SLC25A31: variants seen among roughly 807,000 people sequenced by gnomAD.
SLC25A31 encodes solute carrier family 25 member 31.
SLC25A31 carries 40 observed loss-of-function variants against 36.2 expected under a neutral mutation model. The ratio of observed to expected loss-of-function variants is 1.10; its 90% CI spans 0.86 to 1.44. SLC25A31 has a LOEUF of 1.44. SLC25A31 is among the 40% of genes most tolerant of loss of function. SLC25A31 has a pLI of 0.00. For synonymous variants in SLC25A31, 143 were observed against 149.7 expected, an observed-to-expected ratio of 0.96 and a Z score of 0.32; for missense variants, 350 against 397.1, an observed-to-expected ratio of 0.88 and a Z score of 1.01.
chr4:127,759,742 A>G lies in SLC25A31; in HGVS notation c.361-4501A>G, dbSNP rs531178992. Among the ~76,000 whole-genome samples the G allele has an allele frequency of 8.5e-4, 129 of 152,296 alleles. 1 individual carries two copies. Among genetic ancestry groups the G allele is most frequent in the African/African-American group, 2.9e-3 (122 of 41,564 alleles). On this transcript the variant is annotated intron_variant, in intron 2 of 5. Transcript: ENST00000281154. Reference sequence around the variant, plus strand: ...GAAAAAGTTCTGGAAATAGTGACAAAGTTTAAACAATGTTGCAAACATACT... The same window carrying G: ...GAAAAAGTTCTGGAAATAGTGACAAGGTTTAAACAATGTTGCAAACATACT...
At chr4:127,761,982 A>G (rs1732149314) in intron 2 of SLC25A31, among the ~76,000 whole-genome samples, 1 of 152,222 alleles carries the variant, frequency 6.6e-6, no homozygotes, top group Admixed American at 6.5e-5. Flanking sequence ...TTATTTCTGT[A>G]TGATGAGACA....
chr4:127,730,422 G>C lies in SLC25A31; in HGVS notation c.-124G>C. On this transcript the variant is annotated 5_prime_UTR_variant, in exon 1 of 6. Transcript: ENST00000281154. Reference sequence around the variant, plus strand: ...CTCGCCGGCGCGCGGCTCTCTCAGCGTCCCAAGAGCCACTTTCTCGCCAGT... The same window carrying C: ...CTCGCCGGCGCGCGGCTCTCTCAGCCTCCCAAGAGCCACTTTCTCGCCAGT... 1 of 1,078,048 alleles carries C rather than the reference G, an allele frequency of 9.3e-7. No homozygotes were observed. The highest frequency in any genetic ancestry group is 1.3e-6 in the Non-Finnish European group (1 of 754,104). The allele number at this position is 1,078,048 out of a possible 1,614,324, so 66.8% of individuals were successfully genotyped here.
intron 2 of SLC25A31, among the ~76,000 whole-genome samples, chr4:127,750,316 A>G (rs895587138): frequency 4.6e-5 from 7 of 152,218 alleles, no homozygotes; most frequent in African/African-American, 1.4e-4. Flanking sequence ...AGTGGAAAAT[A>G]TTAAGTCAAA....
chr4:127,731,764 C>A (rs1302597203), intron 1 of SLC25A31, among the ~76,000 whole-genome samples: 1 of 151,722 alleles, frequency 6.6e-6, no homozygotes, highest in Non-Finnish European at 1.5e-5. Context: ...GTTCTCCTTT[C>A]TCTTTATTTT....
chr4:127,761,201 G>A (rs1732122976), intron 2 of SLC25A31, among the ~76,000 whole-genome samples: 1 of 152,020 alleles, frequency 6.6e-6, no homozygotes, highest in African/African-American at 2.4e-5. Context: ...GCCTGCCCCT[G>A]TCGTTTTTTC....
intron 2 of SLC25A31, among the ~76,000 whole-genome samples, chr4:127,753,018 T>C (rs985579107): frequency 1.2e-4 from 19 of 152,184 alleles, no homozygotes; most frequent in African/African-American, 4.6e-4. Context: ...TTTCTGACCA[T>C]AGTGGAGTAA....
At position 127,773,389 on chromosome 4, in the gene SLC25A31, G is replaced by A; in HGVS notation, c.763G>A (p.Gly255Ser). ...CCCTTTGTTTTTCTTTGTATAGAGT[G>A]GTGAGGCTAAACGGCAATATAAAGG... ...TVRRRMMMQS[G>S]EAKRQYKGTL... The change falls in exon 6 of 6, where the codon GGT becomes AGT. Residue 255 changes from glycine (G) to serine (S), a missense_variant. Physicochemically the swap from Gly to Ser is moderately conservative, Grantham distance 56. Coordinates refer to ENST00000281154, the MANE Select transcript of SLC25A31 (RefSeq NM_031291.4). The A allele has an allele frequency of 1.2e-6, 2 of 1,609,948 alleles. No individual in the cohort carries two copies. Among genetic ancestry groups the A allele is most frequent in the Non-Finnish European group, 1.7e-6 (2 of 1,178,948 alleles).
At chr4:127,752,604 A>C (rs1731956637) in intron 2 of SLC25A31, among the ~76,000 whole-genome samples, 1 of 152,190 alleles carries the variant, frequency 6.6e-6, no homozygotes, top group South Asian at 2.1e-4. Flanking sequence ...ATGGAAATTT[A>C]AAAAGAGCAG....
At chr4:127,770,794 A>AAAC (rs1165531311) in intron 5 of SLC25A31, among the ~76,000 whole-genome samples, 1 of 152,054 alleles carries the variant, frequency 6.6e-6, no homozygotes, top group Non-Finnish European at 1.5e-5. Flanking sequence ...TGGTTTGCTT[A>AAAC]AACAACAAAT....
At chr4:127,751,322 A>G (rs1236799973) in intron 2 of SLC25A31, among the ~76,000 whole-genome samples, 1 of 152,234 alleles carries the variant, frequency 6.6e-6, no homozygotes, top group Admixed American at 6.5e-5. Flanking sequence ...AGAAATGGGG[A>G]AAGGATTCCC....
intron 1 of SLC25A31, among the ~76,000 whole-genome samples, chr4:127,744,425 C>T (rs1486584103): frequency 6.6e-6 from 1 of 152,160 alleles, no homozygotes; most frequent in Admixed American, 6.5e-5. Context: ...CTGTATTCAA[C>T]TGATAACACT....
In SLC25A31 at chr4:127,773,771, A is replaced by C. The variant is rs559989746; in HGVS notation, c.*197A>C. On this transcript the variant is annotated 3_prime_UTR_variant, in exon 6 of 6. Coordinates refer to ENST00000281154, the MANE Select transcript of SLC25A31 (RefSeq NM_031291.4). The stretch of plus-strand genomic sequence containing the variant: ...GTGGATTTTCCTCCCACTTAGACTC[A>C]AACACATTTTAGTGTGATATTTCAT... The C allele has an allele frequency of 8.1e-4, 340 of 419,962 alleles. 1 individual carries two copies. The highest frequency in any genetic ancestry group is 6.7e-3 in the African/African-American group (327 of 49,130). The allele number at this position is 419,962 out of a possible 1,614,324, so 26.0% of individuals were successfully genotyped here.
chr4:127,755,765 G>C (rs1403650990), intron 2 of SLC25A31, among the ~76,000 whole-genome samples: 1 of 152,204 alleles, frequency 6.6e-6, no homozygotes, highest in Non-Finnish European at 1.5e-5. Context: ...CAGGTGCTGT[G>C]GTTCACGCCT....
At chr4:127,739,212 G>T (rs1317803716) in intron 1 of SLC25A31, among the ~76,000 whole-genome samples, 1 of 152,142 alleles carries the variant, frequency 6.6e-6, no homozygotes, top group African/African-American at 2.4e-5. Flanking sequence ...TGTTAACAGT[G>T]TTTTTGTGGT....
intron 2 of SLC25A31, among the ~76,000 whole-genome samples, chr4:127,753,675 T>C (rs374602281): frequency 1.3e-5 from 2 of 152,058 alleles, no homozygotes; most frequent in African/African-American, 2.4e-5. Context: ...GTAAGGAAAT[T>C]AAGTCCATAA....
At position 127,764,351 on chromosome 4, in the gene SLC25A31, A is replaced by G; in HGVS notation, c.469A>G (p.Ile157Val). The change falls in exon 3 of 6, where the codon ATT becomes GTT. Residue 157 changes from isoleucine (I) to valine (V), a missense_variant. Coordinates refer to ENST00000281154, the MANE Select transcript of SLC25A31 (RefSeq NM_031291.4). ...DFARTRLGVD[I>V]GKGPEERQFK... is the part of the protein sequence containing the mutation. ...TGCCCGAACCCGATTAGGTGTCGAT[A>G]TTGGAAAAGGTATGAGATTTTTAGA... 6.2e-7 allele frequency: 1 copy of G among 1,611,426 alleles called. No individual in the cohort carries two copies. Among genetic ancestry groups the G allele is most frequent in the African/African-American group, 1.3e-5 (1 of 74,988 alleles).
intron 1 of SLC25A31, among the ~76,000 whole-genome samples, chr4:127,733,523 T>C (rs1731569553): frequency 6.6e-6 from 1 of 152,238 alleles, no homozygotes; most frequent in Admixed American, 6.5e-5. Flanking sequence ...GTATGTATAC[T>C]TGTACACATA....
chr4:127,746,197 C>T (rs1731823217), intron 2 of SLC25A31, among the ~76,000 whole-genome samples: 1 of 152,138 alleles, frequency 6.6e-6, no homozygotes, highest in Non-Finnish European at 1.5e-5. Context: ...TTTCTTTATC[C>T]AATCTGCCAT....
At chr4:127,754,215 A>G (rs1731988364) in intron 2 of SLC25A31, among the ~76,000 whole-genome samples, 1 of 152,152 alleles carries the variant, frequency 6.6e-6, no homozygotes, top group African/African-American at 2.4e-5. Flanking sequence ...GAAAAGTTGA[A>G]AGCTTTTTCT....
Sources: allele counts gnomAD v4.1 joint callset (sites outside exome capture counted in the v4.1 genomes callset), GRCh38; gene constraint gnomAD v4.1.1; transcripts MANE v1.5; gene names NCBI Gene and HGNC (gene_info 2026-07-23, HGNC 2026-07-21).